The following CALN1 variants were observed in gnomAD, a reference collection of about 807,000 sequenced individuals.
CALN1 encodes calneuron 1.
In CALN1, 17 loss-of-function variants were observed where a neutral mutation model predicts 30.6. The ratio of observed to expected loss-of-function variants is 0.56; its 90% CI spans 0.38 to 0.83. The LOEUF is 0.83. CALN1 is among the 40% of genes least tolerant of loss of function. The probability of loss-of-function intolerance (pLI) is 0.00; values close to 1 mark genes in which losing one functional copy is unlikely to be tolerated. For synonymous variants in CALN1, 156 were observed against 131.4 expected (o/e 1.19, Z -1.28); for missense variants, 291 against 354.9 (o/e 0.82, Z 1.45).
intron 3 of CALN1, among the ~76,000 whole-genome samples, chr7:72,269,341 A>G (rs1796815321): frequency 6.6e-6 from 1 of 151,998 alleles, no homozygotes; most frequent in African/African-American, 2.4e-5. Context: ...TATATCTCCT[A>G]ATGCTATCCC....
intron 4 of CALN1, among the ~76,000 whole-genome samples, chr7:72,099,273 CTT>C (rs386359911): frequency 0.47 from 58,741 of 123,990 alleles, 13,415 homozygotes; most frequent in East Asian, 0.73. Context: ...CCAAACACTC[CTT>C]TTTTTTTTTT....
intron 3 of CALN1, among the ~76,000 whole-genome samples, chr7:72,108,507 A>G (rs1807333074): frequency 6.6e-6 from 1 of 152,014 alleles, no homozygotes; most frequent in African/African-American, 2.4e-5. Context: ...TGCTAAAGTG[A>G]CTCCATCTTG....
intron 5 of CALN1, among the ~76,000 whole-genome samples, chr7:71,882,008 G>A (rs1409431907): frequency 1.3e-5 from 2 of 152,098 alleles, no homozygotes; most frequent in African/African-American, 2.4e-5. Flanking sequence ...AGGAGTTAGA[G>A]GCTACAGTGA....
chr7:71,903,140 T>C (rs904889851), intron 5 of CALN1, among the ~76,000 whole-genome samples: 3 of 152,080 alleles, frequency 2.0e-5, no homozygotes, highest in African/African-American at 7.2e-5. Context: ...ACTTCACCAC[T>C]ATACAATAAA....
intron 5 of CALN1, among the ~76,000 whole-genome samples, chr7:71,955,238 C>T (rs888089924): frequency 6.6e-6 from 1 of 152,184 alleles, no homozygotes; most frequent in East Asian, 1.9e-4. Flanking sequence ...TTCACTACCA[C>T]GAGAACAGTA....
At chr7:71,828,597 G>T (rs1170213408) in intron 5 of CALN1, among the ~76,000 whole-genome samples, 3 of 151,786 alleles carry the variant, frequency 2.0e-5, no homozygotes, top group African/African-American at 7.3e-5. Context: ...TGACCTAGAA[G>T]CTCCCTCCCT....
At chr7:71,925,304 AAG>A (rs1795207576) in intron 5 of CALN1, among the ~76,000 whole-genome samples, 1 of 151,086 alleles carries the variant, frequency 6.6e-6, no homozygotes, top group Admixed American at 6.6e-5. Flanking sequence ...AAAGAAAAGA[AAG>A]AAGAAAGATT....
At chr7:72,378,410 C>T (rs1203031547) in intron 2 of CALN1, among the ~76,000 whole-genome samples, 3 of 152,120 alleles carry the variant, frequency 2.0e-5, no homozygotes, top group African/African-American at 7.2e-5. Context: ...TTGCTGCCAG[C>T]TTTTGACTAG....
intron 5 of CALN1, among the ~76,000 whole-genome samples, chr7:72,016,609 G>C (rs942752203): frequency 6.6e-6 from 1 of 151,576 alleles, no homozygotes; most frequent in East Asian, 2.0e-4. Context: ...GCTAATTTTT[G>C]AATTTTTTGT....
At chr7:72,381,470 A>G (rs1222536928) in intron 2 of CALN1, among the ~76,000 whole-genome samples, 1 of 152,222 alleles carries the variant, frequency 6.6e-6, no homozygotes, top group East Asian at 1.9e-4. Flanking sequence ...GATAAAGAAA[A>G]TGTGGCACAT....
chr7:72,037,629 G>A (rs1334667497), intron 4 of CALN1, among the ~76,000 whole-genome samples: 2 of 152,134 alleles, frequency 1.3e-5, no homozygotes, highest in Admixed American at 6.5e-5. Context: ...CTGATATTTC[G>A]AGGACAGGAT....
Position 71,798,307 on chromosome 7 carries a change from T to TTTTATTTA in CALN1, c.659-10413_659-10406dup, listed in dbSNP as rs55949827. Among the ~76,000 whole-genome samples the TTTTATTTA allele has an allele frequency of 2.4e-3, 365 of 150,408 alleles. 3 individuals carry two copies. The highest frequency in any genetic ancestry group is 8.5e-3 in the African/African-American group (344 of 40,572). ...TCTTTTATTTGCAACCCAAACTATATTTTATTTATTTATTTATTTATTTAT... is the reference window on the plus strand; with the variant it reads ...TCTTTTATTTGCAACCCAAACTATATTTTATTTATTTATTTATTTATTTATTTATTTAT... On this transcript the variant is annotated intron_variant, in intron 6 of 6. Coordinates refer to ENST00000395275, the MANE Select transcript of CALN1 (RefSeq NM_031468.4).
At chr7:72,054,414 TATAC>T (rs200946451) in intron 4 of CALN1, among the ~76,000 whole-genome samples, 52,883 of 120,206 alleles carry the variant, frequency 0.44, 13,642 homozygotes, top group East Asian at 0.95. Context: ...TATATATATA[TATAC>T]GTGTATATAT....
At chr7:72,481,688 T>G in the CALN1 span, among the ~76,000 whole-genome samples, 17 of 152,352 alleles carry the variant, frequency 1.1e-4, no homozygotes, top group South Asian at 3.1e-3. Context: ...AAGTGCTAAT[T>G]TCACTTTTGA....
chr7:72,404,186 G>C (rs543697516), intron 1 of CALN1, among the ~76,000 whole-genome samples: 87 of 152,146 alleles, frequency 5.7e-4, no homozygotes, highest in Non-Finnish European at 1.0e-3. Context: ...GTTGGGTTAA[G>C]GCACCCCTCG....
At chr7:72,408,675 C>CTTTTTTTTTTTTTTTT (rs534883618) in intron 1 of CALN1, among the ~76,000 whole-genome samples, 2 of 77,966 alleles carry the variant, frequency 2.6e-5, no homozygotes, top group African/African-American at 5.0e-5. Flanking sequence ...TTATCTTTTC[C>CTTTTTTTTTTTTTTTT]TTTTTTTTTT....
intron 2 of CALN1, among the ~76,000 whole-genome samples, chr7:72,317,806 C>A (rs1800589855): frequency 6.6e-6 from 1 of 152,084 alleles, no homozygotes; most frequent in Non-Finnish European, 1.5e-5. Context: ...GACACCGGCC[C>A]CAGAATTGGA....
At chr7:71,885,746 C>T (rs765497698) in intron 5 of CALN1, among the ~76,000 whole-genome samples, 13 of 152,174 alleles carry the variant, frequency 8.5e-5, no homozygotes, top group African/African-American at 1.9e-4. Context: ...GAGTGAGACG[C>T]GCTGACCACG....
intron 3 of CALN1, among the ~76,000 whole-genome samples, chr7:72,268,544 G>A (rs776564050): frequency 2.6e-5 from 4 of 152,164 alleles, no homozygotes; most frequent in East Asian, 3.9e-4. Flanking sequence ...GGTGGCTCAT[G>A]CCTATAATCC....
Sources: gnomAD v4.1 joint callset for allele counts (sites outside exome capture counted in the v4.1 genomes callset) on GRCh38, gnomAD v4.1.1 for gene constraint, MANE v1.5 for transcripts, NCBI Gene and HGNC (gene_info 2026-07-23, HGNC 2026-07-21) for gene names.